FAT3: variants seen among roughly 807,000 people sequenced by gnomAD.
The protein encoded by FAT3 is protocadherin Fat 3.
In FAT3, 95 loss-of-function variants were observed where a neutral mutation model predicts 310.2. The ratio of observed to expected loss-of-function variants is 0.31; its 90% CI spans 0.26 to 0.36. The LOEUF (loss-of-function observed/expected upper bound fraction) is 0.36. FAT3 is among the 10% of genes least tolerant of loss of function. FAT3 has a pLI of 1.00. For synonymous variants in FAT3, 2,314 were observed against 2,192.9 expected, an observed-to-expected ratio of 1.06 and a Z score of -1.54; for missense variants, 5,408 against 5,715.6, an observed-to-expected ratio of 0.95 and a Z score of 1.74.
At chr11:92,314,716 C>A (rs1019634182) in intron 1 of FAT3, among the ~76,000 whole-genome samples, 1 of 152,178 alleles carries the variant, frequency 6.6e-6, no homozygotes, top group African/African-American at 2.4e-5. Flanking sequence ...GAGTTTGAAG[C>A]CAGAATTGGG....
At position 92,353,436 on chromosome 11, in the gene FAT3, G is replaced by C. The variant is rs770954802; in HGVS notation, c.1324G>C (p.Val442Leu). ...ARPLNTVKKE[V>L]YKLEVTNKEG... is the part of the protein sequence containing the mutation. ...GCCACTGAATACTGTTAAGAAGGAGGTTTATAAACTGGAGGTGACAAACAA... is the reference window on the plus strand; with the variant it reads ...GCCACTGAATACTGTTAAGAAGGAGCTTTATAAACTGGAGGTGACAAACAA... Residue 442 changes from valine to leucine, a missense_variant, in exon 2 of 28, where the codon GTT (valine) becomes CTT (leucine). Around this residue, in one of 5 missense-constraint regions of FAT3, gnomAD observed 4,588 missense variants for 4,809.8 expected, o/e 0.95. Transcript: ENST00000525166. 6.2e-6 allele frequency: 10 copies of C among 1,613,450 alleles called. No homozygotes were observed. The South Asian group carries it at 8.8e-5, about 14-fold the overall frequency.
intron 2 of FAT3, among the ~76,000 whole-genome samples, chr11:92,465,293 A>C (rs1012388884): frequency 6.6e-5 from 10 of 152,218 alleles, no homozygotes; most frequent in Admixed American, 6.5e-4. Flanking sequence ...CAGAAAGTTC[A>C]TATTAAGCCA....
At chr11:92,744,738 T>C (rs1472928255) in intron 4 of FAT3, among the ~76,000 whole-genome samples, 1 of 152,184 alleles carries the variant, frequency 6.6e-6, no homozygotes, top group Non-Finnish European at 1.5e-5. Context: ...ATCTCTCTCA[T>C]TTTAAATATT....
chr11:92,360,105 ACCCCATCG>A (rs1948841689), intron 2 of FAT3, among the ~76,000 whole-genome samples: 1 of 152,152 alleles, frequency 6.6e-6, no homozygotes, highest in Admixed American at 6.5e-5. Flanking sequence ...AACAGTGTAA[ACCCCATCG>A]TCTCAGCCCA....
intron 3 of FAT3, among the ~76,000 whole-genome samples, chr11:92,610,975 C>T (rs114903365): frequency 4.7e-4 from 71 of 152,228 alleles, no homozygotes; most frequent in African/African-American, 1.7e-3. Flanking sequence ...ATGAATTAAA[C>T]CCAGTTTCTT....
chr11:92,466,080 G>A (rs1205015404), intron 2 of FAT3, among the ~76,000 whole-genome samples: 1 of 152,090 alleles, frequency 6.6e-6, no homozygotes, highest in East Asian at 1.9e-4. Flanking sequence ...TCCAGATGGG[G>A]AAATGGAGGC....
intron 2 of FAT3, among the ~76,000 whole-genome samples, chr11:92,430,658 C>T (rs896780809): frequency 3.3e-5 from 5 of 152,032 alleles, no homozygotes; most frequent in Admixed American, 2.0e-4. Context: ...TATGCTTCCC[C>T]GCTCCCCCCA....
chr11:92,634,013 C>T (rs965391805), intron 3 of FAT3, among the ~76,000 whole-genome samples: 1 of 152,144 alleles, frequency 6.6e-6, no homozygotes, highest in African/African-American at 2.4e-5. Context: ...ATGGTATGCA[C>T]ATAACTTTTC....
intron 1 of FAT3, among the ~76,000 whole-genome samples, chr11:92,268,475 T>A (rs1946029422): frequency 6.6e-6 from 1 of 152,096 alleles, no homozygotes; most frequent in East Asian, 1.9e-4. Flanking sequence ...ATTTCCTTTT[T>A]TTTTTTTAAT....
intron 4 of FAT3, among the ~76,000 whole-genome samples, chr11:92,743,122 T>A (rs115644190): frequency 6.6e-6 from 1 of 152,336 alleles, no homozygotes; most frequent in African/African-American, 2.4e-5. Context: ...GTTTAAATGG[T>A]TAAGCAGTTT....
chr11:92,823,441 T>C (rs1395762203), intron 13 of FAT3, among the ~76,000 whole-genome samples: 1 of 152,076 alleles, frequency 6.6e-6, no homozygotes, highest in Non-Finnish European at 1.5e-5. Flanking sequence ...ATGGGGCCAG[T>C]TTTATAGGTG....
At chr11:92,548,847 G>A (rs1469952900) in intron 3 of FAT3, among the ~76,000 whole-genome samples, 5 of 152,266 alleles carry the variant, frequency 3.3e-5, no homozygotes, top group African/African-American at 9.6e-5. Flanking sequence ...CTTATCTGAA[G>A]TGATAAGACT....
chr11:92,542,248 T>C (rs1954472134), intron 3 of FAT3, among the ~76,000 whole-genome samples: 2 of 151,806 alleles, frequency 1.3e-5, no homozygotes, highest in African/African-American at 4.8e-5. Flanking sequence ...AAAGAAAACA[T>C]AGGGAAAATG....
At chr11:92,546,432 T>C (rs1438275202) in intron 3 of FAT3, among the ~76,000 whole-genome samples, 5 of 152,252 alleles carry the variant, frequency 3.3e-5, no homozygotes, top group African/African-American at 1.2e-4. Context: ...CAGCAATTCA[T>C]ACTCTGTATT....
At chr11:92,862,505 G>A (rs3912662) in intron 21 of FAT3, among the ~76,000 whole-genome samples, 32,872 of 152,004 alleles carry the variant, frequency 0.22, 4,010 homozygotes, top group Admixed American at 0.27. Context: ...TTTTATTTTC[G>A]GGGGAAGTTA....
intron 7 of FAT3, among the ~76,000 whole-genome samples, chr11:92,779,438 T>TAA (rs1222360176): frequency 6.6e-6 from 1 of 151,964 alleles, no homozygotes; most frequent in South Asian, 2.1e-4. Flanking sequence ...AGAGGAGACT[T>TAA]AAATGGATTT....
intron 3 of FAT3, among the ~76,000 whole-genome samples, chr11:92,589,646 CT>C (rs1939328592): frequency 6.6e-6 from 1 of 151,980 alleles, no homozygotes; most frequent in African/African-American, 2.4e-5. Flanking sequence ...AAGCTTTTTT[CT>C]TGATTGAGTT....
Position 92,798,199 on chromosome 11 carries a change from T to C in FAT3, c.5186T>C (p.Leu1729Pro), listed in dbSNP as rs746305255. 2 of 1,613,838 alleles carry C rather than the reference T, an allele frequency of 1.2e-6. No homozygotes were observed. Among genetic ancestry groups the C allele is most frequent in the African/African-American group, 2.7e-5 (2 of 74,928 alleles). ...YSGVITTQKALDYERTSSYQL... is the reference protein window; with the variant it reads ...YSGVITTQKAPDYERTSSYQL... ...GGAGTCATCACCACTCAGAAGGCCC[T>C]GGATTATGAGCGCACATCCTCTTAT... The change falls in exon 10 of 28, where the codon CTG becomes CCG. Residue 1729 changes from leucine (L) to proline (P), a missense_variant. Around this residue, in one of 5 missense-constraint regions of FAT3, gnomAD observed 4,588 missense variants for 4,809.8 expected, o/e 0.95. Coordinates refer to ENST00000525166, the MANE Select transcript of FAT3 (RefSeq NM_001367949.2).
At chr11:92,596,741 T>C (rs1392297990) in intron 3 of FAT3, among the ~76,000 whole-genome samples, 1 of 152,182 alleles carries the variant, frequency 6.6e-6, no homozygotes. Context: ...ACACCGTCTA[T>C]CATAGTACCA....
Sources: allele counts gnomAD v4.1 joint callset (sites outside exome capture counted in the v4.1 genomes callset), GRCh38; gene constraint gnomAD v4.1.1; regional missense constraint gnomAD v4.1.1; transcripts MANE v1.5; gene names NCBI Gene and HGNC (gene_info 2026-07-23, HGNC 2026-07-21).